SLC24A3: variants seen among roughly 807,000 people sequenced by gnomAD.
The protein encoded by SLC24A3 is sodium/potassium/calcium exchanger 3.
A neutral mutation model predicts 75.8 loss-of-function variants in SLC24A3; 28 were observed. That is an observed-to-expected ratio of 0.37 (90% CI 0.27 to 0.51). SLC24A3 has a LOEUF of 0.51. Ranked by LOEUF, SLC24A3 falls within the 20% of genes least tolerant of loss-of-function variation. SLC24A3 has a pLI of 0.94. For missense variants in SLC24A3, 663 were observed against 847.8 expected (o/e 0.78, Z 2.71); for synonymous variants, 372 against 334.1 (o/e 1.11, Z -1.24).
At chr20:19,661,008 T>C (rs558224429) in intron 7 of SLC24A3, among the ~76,000 whole-genome samples, 2 of 152,288 alleles carry the variant, frequency 1.3e-5, no homozygotes, top group East Asian at 3.9e-4. Flanking sequence ...TACACTCTCA[T>C]TTGCTGCTTG....
At chr20:19,652,336 C>T (rs1357685463) in intron 6 of SLC24A3, among the ~76,000 whole-genome samples, 8 of 152,134 alleles carry the variant, frequency 5.3e-5, no homozygotes, top group African/African-American at 1.7e-4. Flanking sequence ...ATATTTGCCA[C>T]GTTTTAAGCC....
chr20:19,591,596 A>C (rs910866755), intron 6 of SLC24A3, among the ~76,000 whole-genome samples: 5 of 151,944 alleles, frequency 3.3e-5, no homozygotes, highest in African/African-American at 1.2e-4. Flanking sequence ...CTTGGCCACC[A>C]CATCTCATTC....
chr20:19,370,966 G>T (rs1406786135), intron 2 of SLC24A3, among the ~76,000 whole-genome samples: 3 of 152,122 alleles, frequency 2.0e-5, no homozygotes, highest in African/African-American at 4.8e-5. Flanking sequence ...TGAAATGGAG[G>T]ATCAGAGATT....
At chr20:19,670,419 G>A (rs971133685) in intron 8 of SLC24A3, among the ~76,000 whole-genome samples, 1 of 152,182 alleles carries the variant, frequency 6.6e-6, no homozygotes, top group Non-Finnish European at 1.5e-5. Flanking sequence ...TCATCCTACA[G>A]GCATCTCTGC....
At chr20:19,301,708 T>A (rs147522464) in intron 2 of SLC24A3, among the ~76,000 whole-genome samples, 1 of 152,274 alleles carries the variant, frequency 6.6e-6, no homozygotes, top group East Asian at 1.9e-4. Context: ...TCTCTTCAGT[T>A]TTTTAGTCGC....
intron 1 of SLC24A3, among the ~76,000 whole-genome samples, chr20:19,223,037 A>G (rs748790902): frequency 3.3e-5 from 5 of 152,196 alleles, no homozygotes; most frequent in Non-Finnish European, 5.9e-5. Flanking sequence ...TCATGCCTGT[A>G]ATCCCAGCAC....
chr20:19,582,348 A>C (rs918894198), intron 4 of SLC24A3, among the ~76,000 whole-genome samples: 1 of 152,238 alleles, frequency 6.6e-6, no homozygotes, highest in African/African-American at 2.4e-5. Flanking sequence ...AGAAAAACAC[A>C]GAAGGTTGTC....
At chr20:19,239,135 A>AC (rs1042150907) in intron 1 of SLC24A3, among the ~76,000 whole-genome samples, 6 of 151,626 alleles carry the variant, frequency 4.0e-5, no homozygotes, top group Non-Finnish European at 8.8e-5. Flanking sequence ...AAAAAAAAAA[A>AC]AAACAACACA....
At chr20:19,456,085 CTTT>C (rs975051055) in intron 2 of SLC24A3, among the ~76,000 whole-genome samples, 1 of 151,346 alleles carries the variant, frequency 6.6e-6, no homozygotes, top group Non-Finnish European at 1.5e-5. Flanking sequence ...TATGTTTGCC[CTTT>C]TTTTTTCCAT....
At position 19,560,364 on chromosome 20, in the gene SLC24A3, G is replaced by A. The variant is rs184757503; in HGVS notation, c.349-19636G>A. ...TCTCTGTTGTTGTTAATTGTTCTTG[G>A]GCTTTTAAAACCCGGGCACTTTCAG... On this transcript the variant is annotated intron_variant, in intron 3 of 16. Coordinates refer to ENST00000328041, the MANE Select transcript of SLC24A3 (RefSeq NM_020689.4). 1.3e-3 allele frequency among the ~76,000 whole-genome samples: 205 copies of A among 152,304 alleles called. 2 individuals are homozygous for A. The highest frequency in any genetic ancestry group is 2.1e-3 in the Non-Finnish European group (143 of 68,020).
chr20:19,660,474 C>A, intron 7 of SLC24A3, among the ~76,000 whole-genome samples: 1 of 152,140 alleles, frequency 6.6e-6, no homozygotes, highest in East Asian at 1.9e-4. Flanking sequence ...TGTTTCGTTT[C>A]TTTTCGTGGC....
At chr20:19,569,078 G>T (rs1347155249) in intron 3 of SLC24A3, among the ~76,000 whole-genome samples, 2 of 152,196 alleles carry the variant, frequency 1.3e-5, no homozygotes, top group Admixed American at 1.3e-4. Context: ...CCAAGAAAGA[G>T]TGGGTCAGGG....
chr20:19,423,323 G>A (rs769632601), intron 2 of SLC24A3, among the ~76,000 whole-genome samples: 4 of 152,178 alleles, frequency 2.6e-5, no homozygotes, highest in Non-Finnish European at 4.4e-5. Flanking sequence ...AGCCCCAACT[G>A]CAGAAACTGA....
At chr20:19,592,342 C>T (rs965008481) in intron 6 of SLC24A3, among the ~76,000 whole-genome samples, 7 of 152,180 alleles carry the variant, frequency 4.6e-5, no homozygotes, top group African/African-American at 1.7e-4. Context: ...GTCTCTAAAT[C>T]ATCACACTCG....
At chr20:19,673,530 C>T in intron 8 of SLC24A3, 71 bp from the exon 9 acceptor site, 1 of 1,358,568 alleles carries the variant, frequency 7.4e-7, no homozygotes, top group Admixed American at 1.7e-5. Context: ...TCAAATATGT[C>T]TTTAAAAATG....
At chr20:19,720,911 G>GTCCCCTGGGT (rs2033098303) in intron 16 of SLC24A3, 80 bp from the exon 17 acceptor site, 1 of 1,546,934 alleles carries the variant, frequency 6.5e-7, no homozygotes, top group South Asian at 1.2e-5. Flanking sequence ...CCTTCCCCGG[G>GTCCCCTGGGT]TCCCCTGGGT....
intron 3 of SLC24A3, among the ~76,000 whole-genome samples, chr20:19,518,803 A>G (rs6046157): frequency 2.6e-5 from 4 of 152,162 alleles, no homozygotes; most frequent in Non-Finnish European, 5.9e-5. Flanking sequence ...TCTGCCCTAC[A>G]GTCAGTTGAG....
chr20:19,339,671 G>A (rs1267281855), intron 2 of SLC24A3, among the ~76,000 whole-genome samples: 1 of 152,138 alleles, frequency 6.6e-6, no homozygotes, highest in East Asian at 1.9e-4. Flanking sequence ...AAGCTTCCAA[G>A]TTTGCCAAGA....
At chr20:19,478,161 G>T (rs1987992974) in intron 2 of SLC24A3, among the ~76,000 whole-genome samples, 1 of 152,162 alleles carries the variant, frequency 6.6e-6, no homozygotes. Flanking sequence ...ATGACCTTGT[G>T]TCCCTGGTTC....
Sources: gnomAD v4.1 joint callset for allele counts (sites outside exome capture counted in the v4.1 genomes callset) on GRCh38, gnomAD v4.1.1 for gene constraint, MANE v1.5 for transcripts, NCBI Gene and HGNC (gene_info 2026-07-23, HGNC 2026-07-21) for gene names.